The following FRMD3 variants were observed in gnomAD, a reference collection of about 807,000 sequenced individuals.
The protein encoded by FRMD3 is FERM domain containing 3.
A neutral mutation model predicts 70.2 loss-of-function variants in FRMD3; 33 were observed. That is an observed-to-expected ratio of 0.47 (90% CI 0.36 to 0.63). The LOEUF is 0.63. FRMD3 is among the 20% of genes least tolerant of loss of function. The pLI is 0.00. For synonymous variants in FRMD3, 279 were observed against 255.9 expected (o/e 1.09, Z -0.86); for missense variants, 632 against 711.4 (o/e 0.89, Z 1.27).
chr9:83,368,337 T>TTATTA (rs1039326638), intron 3 of FRMD3, among the ~76,000 whole-genome samples: 2 of 151,898 alleles, frequency 1.3e-5, no homozygotes, highest in Non-Finnish European at 2.9e-5. Flanking sequence ...TTATTTTATT[T>TTATTA]TATTATTTTT....
chr9:83,573,810 T>A, the FRMD3 span, among the ~76,000 whole-genome samples: 4 of 151,406 alleles, frequency 2.6e-5, no homozygotes, highest in Non-Finnish European at 5.9e-5. Context: ...ATTCCCAGCT[T>A]GAGTCAGACA....
the FRMD3 span, among the ~76,000 whole-genome samples, chr9:83,579,613 A>T: frequency 6.6e-6 from 1 of 152,094 alleles, no homozygotes; most frequent in Non-Finnish European, 1.5e-5. Flanking sequence ...CTTATCTGAC[A>T]CCATGAACCA....
intron 1 of FRMD3, among the ~76,000 whole-genome samples, chr9:83,534,786 T>C (rs1446135671): frequency 1.3e-5 from 2 of 152,224 alleles, no homozygotes; most frequent in African/African-American, 4.8e-5. Flanking sequence ...CAGTGACATT[T>C]GGATTGTGGG....
chr9:83,465,643 C>T (rs1034847381), intron 1 of FRMD3, among the ~76,000 whole-genome samples: 2 of 152,086 alleles, frequency 1.3e-5, no homozygotes, highest in Admixed American at 1.3e-4. Flanking sequence ...ACATAACTCA[C>T]AGAAATAAAG....
At chr9:83,421,962 C>G (rs1224409877) in intron 1 of FRMD3, among the ~76,000 whole-genome samples, 1 of 152,162 alleles carries the variant, frequency 6.6e-6, no homozygotes, top group African/African-American at 2.4e-5. Flanking sequence ...CAGTGGCTCA[C>G]GCCTGTAATC....
chr9:83,467,581 AC>A lies in FRMD3; in HGVS notation c.147+70503del, dbSNP rs1442425435. 8.9e-6 allele frequency: 11 copies of A among 1,230,358 alleles called. No individual in the cohort carries two copies. In the South Asian group the frequency reaches 1.4e-4, roughly 16 times the overall value. The allele number at this position is 1,230,358 out of a possible 1,614,324, so 76.2% of individuals were successfully genotyped here. On this transcript the variant is annotated intron_variant, in intron 1 of 13. Transcript: ENST00000304195. ...CATGCATTATGTTAAATAAAAGCGT[AC>A]CTGAGTTGATTACATTTTAGCTGAC...
At chr9:83,453,711 A>ATTTTTTT (rs59376142) in intron 1 of FRMD3, among the ~76,000 whole-genome samples, 3 of 115,096 alleles carry the variant, frequency 2.6e-5, no homozygotes, top group Admixed American at 1.9e-4. Flanking sequence ...GTTTGTTTTA[A>ATTTTTTT]TTTTTTTTTT....
At chr9:83,501,218 C>T (rs1361928686) in intron 1 of FRMD3, among the ~76,000 whole-genome samples, 4 of 151,772 alleles carry the variant, frequency 2.6e-5, no homozygotes, top group Non-Finnish European at 4.4e-5. Context: ...GGCATGAACC[C>T]GGGAGGCGGA....
rs954487064 is a variant in FRMD3, at chr9:83,246,617, G to A, written c.*1301C>T. On this transcript the variant is annotated 3_prime_UTR_variant, in exon 14 of 14. Coordinates refer to ENST00000304195, the MANE Select transcript of FRMD3 (RefSeq NM_174938.6). The stretch of plus-strand genomic sequence containing the variant: ...ATGACCACCGCAAAACATGATCATG[G>A]ACATGTATCAAAAAGCCATTCATAT... The A allele has an allele frequency of 1.2e-5, 12 of 982,998 alleles. No homozygotes were observed. Among genetic ancestry groups the A allele is most frequent in the South Asian group, 4.7e-5 (1 of 21,138 alleles). 60.9% of individuals were successfully genotyped at this position (982,998 alleles called of 1,614,324 possible).
At chr9:83,313,391 CA>C (rs1294758311) in intron 7 of FRMD3, among the ~76,000 whole-genome samples, 1 of 152,142 alleles carries the variant, frequency 6.6e-6, no homozygotes, top group East Asian at 1.9e-4. Flanking sequence ...CCTCAGGGGC[CA>C]AACCATCCAT....
chr9:83,383,894 AT>A (rs1825433605), intron 2 of FRMD3, among the ~76,000 whole-genome samples: 1 of 152,324 alleles, frequency 6.6e-6, no homozygotes, highest in South Asian at 2.1e-4. Flanking sequence ...TCAGGAGAGG[AT>A]ATCAGATGTA....
chr9:83,371,339 C>T lies in FRMD3; in HGVS notation c.295+1574G>A, dbSNP rs139396223. Reference sequence around the variant, plus strand: ...CTTATTACTTTTTTTTTTTTTTAAACGGAGTCCTGGTCTGTGGCCCAGGCT... The same window carrying T: ...CTTATTACTTTTTTTTTTTTTTAAATGGAGTCCTGGTCTGTGGCCCAGGCT... On this transcript the variant is annotated intron_variant, in intron 3 of 13. Transcript: ENST00000304195. 3.4e-3 allele frequency among the ~76,000 whole-genome samples: 511 copies of T among 149,330 alleles called. 2 individuals are homozygous for T. Among genetic ancestry groups the T allele is most frequent in the African/African-American group, 0.012 (476 of 40,440 alleles).
chr9:83,470,930 T>G (rs958334261), intron 1 of FRMD3, among the ~76,000 whole-genome samples: 3 of 152,266 alleles, frequency 2.0e-5, no homozygotes, highest in African/African-American at 7.2e-5. Context: ...TTCCCCCATC[T>G]GTTTTAGTTT....
chr9:83,547,090 T>A, the FRMD3 span, among the ~76,000 whole-genome samples: 3 of 151,162 alleles, frequency 2.0e-5, no homozygotes, highest in Non-Finnish European at 4.4e-5. Flanking sequence ...AAACACACTT[T>A]AAATCAACAA....
chr9:83,583,239 C>T, the FRMD3 span, among the ~76,000 whole-genome samples: 2 of 152,268 alleles, frequency 1.3e-5, no homozygotes, highest in Non-Finnish European at 2.9e-5. Flanking sequence ...AAAAAAATAA[C>T]ATGCTGACTA....
At chr9:83,388,441 A>G (rs759487189) in intron 2 of FRMD3, among the ~76,000 whole-genome samples, 2 of 152,188 alleles carry the variant, frequency 1.3e-5, no homozygotes, top group African/African-American at 2.4e-5. Flanking sequence ...GCTAGTAAGA[A>G]GCAGAGACCC....
In FRMD3 at chr9:83,246,684, C is replaced by T. The variant is rs767313561; in HGVS notation, c.*1234G>A. The T allele has an allele frequency of 3.2e-5, 31 of 982,272 alleles. No individual in the cohort carries two copies. The highest frequency in any genetic ancestry group is 3.7e-5 in the Non-Finnish European group (31 of 828,182). The allele number at this position is 982,272 out of a possible 1,614,324, so 60.8% of individuals were successfully genotyped here. On this transcript the variant is annotated 3_prime_UTR_variant, in exon 14 of 14. Transcript: ENST00000304195. ...TCTCTCTCTCTCACACACACACACA[C>T]GCACACTCACATACAAACACATTTT... is the stretch of plus-strand genomic sequence containing the variant.
chr9:83,377,414 C>T (rs2131267920), intron 2 of FRMD3, among the ~76,000 whole-genome samples: 1 of 152,292 alleles, frequency 6.6e-6, no homozygotes, highest in South Asian at 2.1e-4. Flanking sequence ...TTTACATGTA[C>T]TGGTGCAAGA....
intron 1 of FRMD3, among the ~76,000 whole-genome samples, chr9:83,418,377 C>T (rs1826519415): frequency 6.6e-6 from 1 of 151,936 alleles, no homozygotes; most frequent in Non-Finnish European, 1.5e-5. Flanking sequence ...AACTATGTAT[C>T]CAATGAAGGA....
Sources: gnomAD v4.1 joint callset for allele counts (sites outside exome capture counted in the v4.1 genomes callset) on GRCh38, gnomAD v4.1.1 for gene constraint, MANE v1.5 for transcripts, NCBI Gene and HGNC (gene_info 2026-07-23, HGNC 2026-07-21) for gene names.